The following HIPK3 variants were observed in gnomAD, a reference collection of about 807,000 sequenced individuals.
HIPK3 encodes homeodomain interacting protein kinase 3, also known as homeodomain-interacting protein kinase 3.
A neutral mutation model predicts 124.2 loss-of-function variants in HIPK3; 47 were observed. That is an observed-to-expected ratio of 0.38 (90% CI 0.30 to 0.48). The LOEUF is 0.48. Among genes scored for constraint, HIPK3 ranks in the 20% least tolerant of loss-of-function variants. The pLI is 0.98. For synonymous variants in HIPK3, 482 were observed against 515.2 expected, an observed-to-expected ratio of 0.94 and a Z score of 0.87; for missense variants, 1,286 against 1,454.3, an observed-to-expected ratio of 0.88 and a Z score of 1.88.
At chr11:33,291,500 T>C (rs1204143011) in intron 2 of HIPK3, among the ~76,000 whole-genome samples, 1 of 152,146 alleles carries the variant, frequency 6.6e-6, no homozygotes, top group African/African-American at 2.4e-5. Flanking sequence ...GGCCAGAAAT[T>C]GTTGACTACT....
At chr11:33,287,583 G>T in intron 2 of HIPK3, 72 bp downstream of exon 2, 1 of 1,491,272 alleles carries the variant, frequency 6.7e-7, no homozygotes, top group Non-Finnish European at 9.1e-7. Context: ...ACTTTTGTGT[G>T]TGTTTGTGGT....
rs34107632 is a variant in HIPK3 at position 33,290,627 on chromosome 11, TAA to T, written c.1097+3125_1097+3126del. Among the ~76,000 whole-genome samples, 7 of 144,552 alleles carry T rather than the reference TAA, an allele frequency of 4.8e-5. No individual in the cohort carries two copies. In the East Asian group the frequency reaches 1.0e-3, roughly 21 times the overall value. The allele number at this position is 144,552 out of a possible 152,430, so 94.8% of individuals were successfully genotyped here. A position where few individuals can be genotyped will look rare whatever the true frequency, so the allele number is the denominator to read the frequency against. On this transcript the variant is annotated intron_variant, in intron 2 of 16. Coordinates refer to ENST00000303296, the MANE Select transcript of HIPK3 (RefSeq NM_005734.5). ...ATTTGAAATCTTTTTCCACTAGAGT[TAA>T]AAAAAAAAGTCTTTTTTTTTTTTAA...
intron 1 of HIPK3, among the ~76,000 whole-genome samples, chr11:33,285,577 A>AT (rs1565063178): frequency 1.0e-3 from 57 of 55,378 alleles, no homozygotes; most frequent in African/African-American, 3.0e-3. Context: ...CAAAAAAAAA[A>AT]AATATATATA....
intron 2 of HIPK3, among the ~76,000 whole-genome samples, chr11:33,303,138 C>A (rs1744301099): frequency 6.6e-6 from 1 of 152,072 alleles, no homozygotes; most frequent in African/African-American, 2.4e-5. Flanking sequence ...GTTCCAGGAC[C>A]CCCCACGGAC....
intron 2 of HIPK3, among the ~76,000 whole-genome samples, chr11:33,307,301 T>G (rs910434160): frequency 6.6e-6 from 1 of 152,182 alleles, no homozygotes; most frequent in East Asian, 1.9e-4. Flanking sequence ...TGTGTACGAA[T>G]AGTATGTAAA....
intron 2 of HIPK3, among the ~76,000 whole-genome samples, chr11:33,304,327 G>A (rs1046188007): frequency 3.9e-4 from 59 of 152,234 alleles, no homozygotes; most frequent in African/African-American, 1.4e-3. Flanking sequence ...GGAAGCCGAG[G>A]CGGGTGAATC....
intron 15 of HIPK3, 117 bp from the exon 16 acceptor site, chr11:33,352,021 A>G: frequency 4.4e-6 from 5 of 1,135,400 alleles, no homozygotes; most frequent in Non-Finnish European, 6.3e-6. Flanking sequence ...CTCTCCTTTG[A>G]TTTTATTTAA....
At position 33,298,023 on chromosome 11, in the gene HIPK3, A is replaced by G. The variant is rs138197402; in HGVS notation, c.1097+10512A>G. ...AGGCTGGTCTTGAACTCCTGACCTC[A>G]AGTGATCCTCCCTCCTTGGCCTCCC... On this transcript the variant is annotated intron_variant, in intron 2 of 16. Coordinates refer to ENST00000303296, the MANE Select transcript of HIPK3 (RefSeq NM_005734.5). 1.2e-3 allele frequency among the ~76,000 whole-genome samples: 183 copies of G among 152,098 alleles called. 2 individuals carry two copies. The highest frequency in any genetic ancestry group is 4.2e-3 in the African/African-American group (176 of 41,494).
At chr11:33,327,327 G>C (rs1232988486) in intron 2 of HIPK3, among the ~76,000 whole-genome samples, 1 of 152,044 alleles carries the variant, frequency 6.6e-6, no homozygotes, top group African/African-American at 2.4e-5. Context: ...GGAAACATCA[G>C]ACAAACCCAC....
chr11:33,322,147 T>G (rs976873759), intron 2 of HIPK3, among the ~76,000 whole-genome samples: 1 of 151,974 alleles, frequency 6.6e-6, no homozygotes, highest in Non-Finnish European at 1.5e-5. Context: ...CTACAGGCGC[T>G]TGCCACCACA....
intron 1 of HIPK3, among the ~76,000 whole-genome samples, chr11:33,270,372 G>A (rs1320214721): frequency 4.0e-5 from 6 of 151,806 alleles, no homozygotes; most frequent in African/African-American, 9.7e-5. Context: ...GCAATGGCAC[G>A]ATCTTGGCTC....
At chr11:33,350,164 G>A (rs1474163650) in intron 14 of HIPK3, among the ~76,000 whole-genome samples, 5 of 152,144 alleles carry the variant, frequency 3.3e-5, no homozygotes, top group African/African-American at 1.2e-4. Context: ...ATATACTTTA[G>A]CAAAATTAAA....
At chr11:33,302,487 C>T (rs1852034592) in intron 2 of HIPK3, among the ~76,000 whole-genome samples, 1 of 152,022 alleles carries the variant, frequency 6.6e-6, no homozygotes, top group Admixed American at 6.6e-5. Flanking sequence ...GAGGCACCTG[C>T]CATCACACCT....
At chr11:33,281,691 A>G (rs1851416782) in intron 1 of HIPK3, among the ~76,000 whole-genome samples, 1 of 152,234 alleles carries the variant, frequency 6.6e-6, no homozygotes, top group Non-Finnish European at 1.5e-5. Flanking sequence ...TTTTTAATTA[A>G]ACACACATGG....
At chr11:33,265,839 A>G (rs1233449553) in intron 1 of HIPK3, among the ~76,000 whole-genome samples, 2 of 150,572 alleles carry the variant, frequency 1.3e-5, no homozygotes, top group African/African-American at 2.4e-5. Context: ...TAATCCCAGT[A>G]CTTGGGGAGG....
chr11:33,345,582 T>C (rs544558650), intron 8 of HIPK3, among the ~76,000 whole-genome samples: 2 of 151,024 alleles, frequency 1.3e-5, no homozygotes, highest in Admixed American at 1.3e-4. Flanking sequence ...GATTTGGAAA[T>C]TTGCTCTCTC....
At chr11:33,268,875 GA>G (rs969079763) in intron 1 of HIPK3, among the ~76,000 whole-genome samples, 1 of 152,084 alleles carries the variant, frequency 6.6e-6, no homozygotes, top group African/African-American at 2.4e-5. Flanking sequence ...TCTATTGGAA[GA>G]AAATGAAATA....
intron 2 of HIPK3, among the ~76,000 whole-genome samples, chr11:33,295,698 T>G (rs1851826028): frequency 2.0e-5 from 3 of 152,230 alleles, no homozygotes; most frequent in African/African-American, 7.2e-5. Context: ...GGCTGATGTT[T>G]TCTCACGATT....
At chr11:33,298,937 C>T (rs1348401379) in intron 2 of HIPK3, among the ~76,000 whole-genome samples, 2 of 152,014 alleles carry the variant, frequency 1.3e-5, no homozygotes, top group Non-Finnish European at 2.9e-5. Flanking sequence ...ACCTCCACCT[C>T]CTGGGTTCAG....
Sources: allele counts gnomAD v4.1 joint callset (sites outside exome capture counted in the v4.1 genomes callset), GRCh38; gene constraint gnomAD v4.1.1; transcripts MANE v1.5; gene names NCBI Gene and HGNC (gene_info 2026-07-23, HGNC 2026-07-21).